GPM6A: variants seen among roughly 807,000 people sequenced by gnomAD.
GPM6A encodes neuronal membrane glycoprotein M6-a.
In GPM6A, 7 loss-of-function variants were observed where a neutral mutation model predicts 32.1. The observed-to-expected ratio is 0.22, with a 90% CI of 0.12 to 0.41. The LOEUF (loss-of-function observed/expected upper bound fraction) is 0.41. GPM6A is among the 10% of genes least tolerant of loss of function. The pLI, the probability that GPM6A is intolerant of heterozygous loss-of-function variation, is 1.00. For missense variants in GPM6A, 235 were observed against 347.2 expected, an observed-to-expected ratio of 0.68 and a Z score of 2.57; for synonymous variants, 130 against 123.4, an observed-to-expected ratio of 1.05 and a Z score of -0.35.
chr4:175,956,181 A>G (rs1249349755), intron 1 of GPM6A, among the ~76,000 whole-genome samples: 2 of 152,216 alleles, frequency 1.3e-5, no homozygotes, highest in African/African-American at 2.4e-5. Flanking sequence ...TTCCTGTTCT[A>G]GAGGAGCCAT....
intron 4 of GPM6A, among the ~76,000 whole-genome samples, chr4:175,642,743 C>T (rs1388307603): frequency 1.3e-5 from 2 of 152,028 alleles, no homozygotes; most frequent in Non-Finnish European, 2.9e-5. Flanking sequence ...CTTTTTTCTC[C>T]CATGCATATC....
intron 1 of GPM6A, among the ~76,000 whole-genome samples, chr4:175,887,641 G>C (rs895465147): frequency 4.6e-5 from 7 of 151,574 alleles, no homozygotes; most frequent in Non-Finnish European, 8.9e-5. Flanking sequence ...ACAAACCACT[G>C]CAAGTGTTAT....
chr4:175,849,630 A>T (rs1006959828), intron 1 of GPM6A, among the ~76,000 whole-genome samples: 1 of 152,190 alleles, frequency 6.6e-6, no homozygotes, highest in African/African-American at 2.4e-5. Flanking sequence ...ACTAATAATC[A>T]TTTCTTCATA....
chr4:175,816,191 TA>T (rs1735095716), upstream of GPM6A, among the ~76,000 whole-genome samples: 1 of 152,146 alleles, frequency 6.6e-6, no homozygotes, highest in African/African-American at 2.4e-5. Context: ...ACCCTGCCTC[TA>T]AAAAATAAAA....
chr4:175,914,797 C>A (rs1342509404), intron 1 of GPM6A, among the ~76,000 whole-genome samples: 1 of 152,034 alleles, frequency 6.6e-6, no homozygotes, highest in African/African-American at 2.4e-5. Context: ...TGTTTAAGAA[C>A]AAAAGGAAAG....
intron 1 of GPM6A, among the ~76,000 whole-genome samples, chr4:175,919,542 C>A (rs1738601148): frequency 6.6e-6 from 1 of 152,128 alleles, no homozygotes; most frequent in Non-Finnish European, 1.5e-5. Context: ...TTCCAGCAGG[C>A]TTGTAACTAC....
chr4:175,941,625 G>A (rs375046082), intron 1 of GPM6A, among the ~76,000 whole-genome samples: 2 of 152,100 alleles, frequency 1.3e-5, no homozygotes, highest in South Asian at 4.1e-4. Flanking sequence ...TCCCCCTTAT[G>A]AGTGAGAACA....
upstream of GPM6A, among the ~76,000 whole-genome samples, chr4:175,814,580 C>T (rs1735041779): frequency 6.6e-6 from 1 of 152,172 alleles, no homozygotes; most frequent in Non-Finnish European, 1.5e-5. Context: ...AATTTTGCAG[C>T]AGAATACACT....
At chr4:175,648,505 A>C (rs1741603875) in intron 4 of GPM6A, among the ~76,000 whole-genome samples, 2 of 152,202 alleles carry the variant, frequency 1.3e-5, no homozygotes, top group Admixed American at 6.5e-5. Flanking sequence ...TTGGCTTTCG[A>C]TACTGTATCT....
intron 6 of GPM6A, among the ~76,000 whole-genome samples, chr4:175,638,505 G>A (rs1217133698): frequency 3.3e-5 from 5 of 152,062 alleles, no homozygotes; most frequent in Non-Finnish European, 7.4e-5. Flanking sequence ...GCAAAGCATA[G>A]ATTGCTTAAG....
chr4:175,915,318 G>T (rs570151304), intron 1 of GPM6A, among the ~76,000 whole-genome samples: 5 of 146,430 alleles, frequency 3.4e-5, no homozygotes, highest in Non-Finnish European at 7.4e-5. Flanking sequence ...ATGGAGTCTC[G>T]CTCTGTCACC....
chr4:175,658,796 A>G (rs909763643), intron 3 of GPM6A, among the ~76,000 whole-genome samples: 4 of 152,198 alleles, frequency 2.6e-5, no homozygotes, highest in African/African-American at 9.7e-5. Context: ...ATTCATGAGC[A>G]TATGTGAAAT....
chr4:175,824,755 A>G (rs1412053661), intron 1 of GPM6A, among the ~76,000 whole-genome samples: 7 of 152,158 alleles, frequency 4.6e-5, no homozygotes, highest in African/African-American at 1.7e-4. Context: ...TGCTAGGCAC[A>G]TATTTTTTTC....
intron 1 of GPM6A, chr4:175,808,855 G>A (rs1579526447): frequency 6.6e-6 from 1 of 152,316 alleles, no homozygotes; most frequent in East Asian, 1.9e-4. Context: ...AAATGTTCAT[G>A]TTCAGAAATT....
intron 1 of GPM6A, among the ~76,000 whole-genome samples, chr4:175,984,834 C>T (rs964605269): frequency 3.3e-5 from 5 of 152,114 alleles, no homozygotes; most frequent in Non-Finnish European, 7.4e-5. Flanking sequence ...TCATTGTCTG[C>T]ATAAACCTGT....
chr4:175,774,799 G>C (rs1419653982), intron 1 of GPM6A, among the ~76,000 whole-genome samples: 2 of 151,996 alleles, frequency 1.3e-5, no homozygotes, highest in African/African-American at 4.8e-5. Flanking sequence ...TCCTGGGAAA[G>C]CTTAACAAAT....
chr4:175,699,559 A>T (rs1744758325), intron 2 of GPM6A, among the ~76,000 whole-genome samples: 1 of 152,152 alleles, frequency 6.6e-6, no homozygotes, highest in Non-Finnish European at 1.5e-5. Flanking sequence ...CTCTCACTTG[A>T]TACTACAGAG....
chr4:175,655,856 G>A (rs961867111), intron 3 of GPM6A, among the ~76,000 whole-genome samples: 2 of 152,038 alleles, frequency 1.3e-5, no homozygotes, highest in Admixed American at 6.6e-5. Context: ...TGTAAACAAG[G>A]GGAAGGTTCT....
chr4:175,910,401 A>T (rs1738277240), intron 1 of GPM6A, among the ~76,000 whole-genome samples: 1 of 152,158 alleles, frequency 6.6e-6, no homozygotes, highest in Non-Finnish European at 1.5e-5. Flanking sequence ...CTCCCAGCTT[A>T]TCTTCTTCGT....
Sources: gnomAD v4.1 joint callset for allele counts (sites outside exome capture counted in the v4.1 genomes callset) on GRCh38, gnomAD v4.1.1 for gene constraint, MANE v1.5 for transcripts, NCBI Gene and HGNC (gene_info 2026-07-23, HGNC 2026-07-21) for gene names.